RGS7: variants seen among roughly 807,000 people sequenced by gnomAD.
RGS7 encodes the protein regulator of G-protein signaling 7.
RGS7 carries 27 observed loss-of-function variants against 81.1 expected under a neutral mutation model. The observed-to-expected ratio is 0.33, with a 90% CI of 0.25 to 0.46. The LOEUF is 0.46. RGS7 is among the 20% of genes least tolerant of loss of function. RGS7 has a pLI of 1.00. For synonymous variants in RGS7, 208 were observed against 207.7 expected, an observed-to-expected ratio of 1.00 and a Z score of -0.01; for missense variants, 396 against 607.4, an observed-to-expected ratio of 0.65 and a Z score of 3.66.
intron 2 of RGS7, among the ~76,000 whole-genome samples, chr1:241,159,613 T>G (rs1305522502): frequency 6.6e-6 from 1 of 152,068 alleles, no homozygotes; most frequent in Non-Finnish European, 1.5e-5. Flanking sequence ...TCTGCTTGGT[T>G]TATAAGGACA....
At position 241,164,886 on chromosome 1, in the gene RGS7, C is replaced by G. The variant is rs1038900683; in HGVS notation, c.79-66124G>C. Among the ~76,000 whole-genome samples the G allele has an allele frequency of 2.6e-5, 4 of 152,186 alleles. No homozygotes were observed. The highest frequency in any genetic ancestry group is 1.3e-4 in the Admixed American group (2 of 15,282). Reference sequence around the variant, plus strand: ...GAATTGCCCATAGGTCTTATATAATCTGAACATCACAAGAGAACTCAAATG... The same window carrying G: ...GAATTGCCCATAGGTCTTATATAATGTGAACATCACAAGAGAACTCAAATG... On this transcript the variant is annotated intron_variant, in intron 2 of 18. Transcript: ENST00000440928. The surrounding 1 kb of genome is among the most constrained non-coding windows in gnomAD (Gnocchi z 4.1).
intron 4 of RGS7, among the ~76,000 whole-genome samples, chr1:240,982,123 A>C (rs1684997561): frequency 6.6e-6 from 1 of 152,140 alleles, no homozygotes; most frequent in African/African-American, 2.4e-5. Context: ...CATATTTTAA[A>C]AAAGCCACTA....
intron 3 of RGS7, among the ~76,000 whole-genome samples, chr1:241,069,511 T>C (rs1365305225): frequency 6.6e-6 from 1 of 152,222 alleles, no homozygotes; most frequent in African/African-American, 2.4e-5. Flanking sequence ...AATAAAAGCA[T>C]TATATTAATA....
chr1:241,209,792 A>G (rs1277087273), intron 2 of RGS7, among the ~76,000 whole-genome samples: 1 of 152,144 alleles, frequency 6.6e-6, no homozygotes, highest in African/African-American at 2.4e-5. Context: ...AGCTGTGTTC[A>G]TGCCACTGCA....
chr1:240,950,185 C>T (rs1387771689), intron 4 of RGS7, among the ~76,000 whole-genome samples: 2 of 152,104 alleles, frequency 1.3e-5, no homozygotes, highest in Non-Finnish European at 2.9e-5. Context: ...TCGAGGGGCT[C>T]ATAGTGTTGG....
intron 4 of RGS7, among the ~76,000 whole-genome samples, chr1:240,972,027 G>A (rs1273937704): frequency 6.6e-6 from 1 of 152,140 alleles, no homozygotes; most frequent in Non-Finnish European, 1.5e-5. Context: ...TGTAATATAC[G>A]AGTTGAAATA....
chr1:240,934,221 A>G (rs1339317157), intron 5 of RGS7, among the ~76,000 whole-genome samples: 1 of 152,188 alleles, frequency 6.6e-6, no homozygotes, highest in Non-Finnish European at 1.5e-5. Context: ...CTGCCTCTCA[A>G]AGTGCTGGGA....
intron 2 of RGS7, among the ~76,000 whole-genome samples, chr1:241,238,966 CTTT>C (rs66468032): frequency 3.8e-5 from 4 of 106,614 alleles, no homozygotes; most frequent in Admixed American, 1.2e-4. Flanking sequence ...GCCTCTCTCT[CTTT>C]TTTTTTTTTT....
intron 3 of RGS7, among the ~76,000 whole-genome samples, chr1:241,030,317 T>G (rs758574420): frequency 6.8e-6 from 1 of 147,796 alleles, no homozygotes; most frequent in Non-Finnish European, 1.5e-5. Flanking sequence ...CCCACAGGGC[T>G]TGGAATAATG....
chr1:241,054,958 T>G (rs183550255), intron 3 of RGS7, among the ~76,000 whole-genome samples: 1 of 152,246 alleles, frequency 6.6e-6, no homozygotes, highest in East Asian at 1.9e-4. Context: ...CTAACTATGG[T>G]CTGAAAGACC....
At chr1:241,089,924 G>A (rs1188260164) in intron 3 of RGS7, among the ~76,000 whole-genome samples, 1 of 151,050 alleles carries the variant, frequency 6.6e-6, no homozygotes, top group African/African-American at 2.4e-5. Context: ...AACCTGGGAG[G>A]TGGAGCTTGA....
chr1:240,837,728 T>C (rs1004529512), intron 9 of RGS7, among the ~76,000 whole-genome samples: 6 of 152,230 alleles, frequency 3.9e-5, no homozygotes, highest in Non-Finnish European at 7.3e-5. Context: ...GAAAATGAAC[T>C]AGCTACTGAA....
At chr1:240,954,226 G>T (rs143229351) in intron 4 of RGS7, among the ~76,000 whole-genome samples, 2 of 152,114 alleles carry the variant, frequency 1.3e-5, no homozygotes, top group East Asian at 1.9e-4. Flanking sequence ...GAAAATTAAA[G>T]CACAGGTATC....
Position 241,271,805 on chromosome 1 carries a change from C to T in RGS7, c.78+83894G>A, listed in dbSNP as rs866307897. On this transcript the variant is annotated intron_variant, in intron 2 of 18. Coordinates refer to ENST00000440928, the MANE Select transcript of RGS7 (RefSeq NM_001364886.1). The surrounding 1 kb of genome is among the most constrained non-coding windows in gnomAD (Gnocchi z 4.6). The stretch of plus-strand genomic sequence containing the variant: ...TCTGGAATCAGACTAATTACACCAC[C>T]AACTTCCCTGGCCTCCAGCTTGCAG... Among the ~76,000 whole-genome samples the T allele has an allele frequency of 8.5e-5, 13 of 152,072 alleles. No individual in the cohort carries two copies. Among genetic ancestry groups the T allele is most frequent in the Middle Eastern group, 6.8e-3 (2 of 294 alleles).
chr1:241,011,790 G>A (rs1205816048), intron 3 of RGS7, among the ~76,000 whole-genome samples: 6 of 152,022 alleles, frequency 3.9e-5, no homozygotes, highest in Non-Finnish European at 8.8e-5. Context: ...ACAAAACATA[G>A]TAATTAAGAA....
chr1:241,006,358 C>T (rs1309885873), intron 3 of RGS7, among the ~76,000 whole-genome samples: 1 of 152,204 alleles, frequency 6.6e-6, no homozygotes. Context: ...GCAAATCCCT[C>T]TTCATCTTAT....
intron 2 of RGS7, among the ~76,000 whole-genome samples, chr1:241,296,933 GTT>G (rs113575346): frequency 2.1e-5 from 3 of 145,666 alleles, no homozygotes; most frequent in South Asian, 2.2e-4. Context: ...AATTAGCTGG[GTT>G]TTTTTTTTTT....
chr1:240,930,077 T>C (rs959957769), intron 6 of RGS7, among the ~76,000 whole-genome samples: 1 of 152,194 alleles, frequency 6.6e-6, no homozygotes, highest in Admixed American at 6.5e-5. Flanking sequence ...TTGAAAACTG[T>C]ACTGTTCAGG....
At chr1:241,106,752 C>CACACACACACACACACACACACACA in intron 2 of RGS7, among the ~76,000 whole-genome samples, 1 of 121,684 alleles carries the variant, frequency 8.2e-6, no homozygotes, top group Non-Finnish European at 1.6e-5. Flanking sequence ...AACACCACCA[C>CACACACACACACACACACACACACA]CACACACACA....
Sources: allele counts gnomAD v4.1 joint callset (sites outside exome capture counted in the v4.1 genomes callset), GRCh38; gene constraint gnomAD v4.1.1; non-coding constraint Gnocchi (gnomAD v3.1); transcripts MANE v1.5; gene names NCBI Gene and HGNC (gene_info 2026-07-23, HGNC 2026-07-21).